Variants in COL5A2 observed in about 807,000 individuals in gnomAD.
COL5A2 encodes the protein collagen type V alpha 2 chain, also known as collagen alpha-2(V) chain.
COL5A2 carries 23 observed loss-of-function variants against 208.2 expected under a neutral mutation model. The observed-to-expected ratio is 0.11, with a 90% CI of 0.08 to 0.16. The LOEUF is 0.16. Among genes scored for constraint, COL5A2 ranks in the 10% least tolerant of loss-of-function variants. The probability of loss-of-function intolerance (pLI) is 1.00; values close to 1 mark genes in which losing one functional copy is unlikely to be tolerated. For missense variants in COL5A2, 1,590 were observed against 1,956.4 expected, an observed-to-expected ratio of 0.81 and a Z score of 3.53; for synonymous variants, 625 against 628.5, an observed-to-expected ratio of 0.99 and a Z score of 0.08.
intron 1 of COL5A2, among the ~76,000 whole-genome samples, chr2:189,116,042 C>T (rs1687382078): frequency 6.6e-6 from 1 of 152,186 alleles, no homozygotes. Flanking sequence ...CTTCAGAAAG[C>T]TACAGCAACC....
intron 12 of COL5A2, among the ~76,000 whole-genome samples, chr2:189,082,533 G>C (rs774500401): frequency 6.6e-6 from 1 of 152,158 alleles, no homozygotes; most frequent in South Asian, 2.1e-4. Context: ...AAGCCTATAG[G>C]GGAATTGCTG....
At chr2:189,133,537 T>C (rs1041222407) in intron 1 of COL5A2, among the ~76,000 whole-genome samples, 2 of 152,148 alleles carry the variant, frequency 1.3e-5, no homozygotes, top group East Asian at 3.8e-4. Context: ...ACTTGGTTGA[T>C]AGTGATAGGG....
In COL5A2 at chr2:189,048,088, T is replaced by A. The variant is rs1322086558; in HGVS notation, c.3201+121A>T. On this transcript the variant is annotated intron_variant, in intron 45 of 53. Transcript: ENST00000374866. ...AATTATGGCTTTACAGAAACAGTTG[T>A]TATTCAGAAAAATCAGAAGTGTATT... 4 of 853,196 alleles carry A rather than the reference T, an allele frequency of 4.7e-6. No homozygotes were observed. The East Asian group carries it at 7.9e-5, about 17-fold the overall frequency. The allele number at this position is 853,196 out of a possible 1,614,324, so 52.9% of individuals were successfully genotyped here. A position where few individuals can be genotyped will look rare whatever the true frequency, so the allele number is the denominator to read the frequency against.
upstream of COL5A2, among the ~76,000 whole-genome samples, chr2:189,229,446 A>C (rs1689455286): frequency 1.3e-5 from 2 of 151,464 alleles, no homozygotes; most frequent in Admixed American, 6.6e-5. Context: ...ACACACAAAA[A>C]AAAAACCTAT....
At chr2:189,357,724 G>C in the COL5A2 span, among the ~76,000 whole-genome samples, 1 of 144,050 alleles carries the variant, frequency 6.9e-6, no homozygotes, top group African/African-American at 2.6e-5. Flanking sequence ...GGGAGTGAAC[G>C]GTTCTGTCTC....
intron 6 of COL5A2, among the ~76,000 whole-genome samples, chr2:189,096,449 G>A (rs1314656518): frequency 6.6e-6 from 1 of 151,536 alleles, no homozygotes; most frequent in African/African-American, 2.4e-5. Context: ...GTGAAAACTC[G>A]TCTCTACTAA....
the COL5A2 span, among the ~76,000 whole-genome samples, chr2:189,418,111 T>G: frequency 6.6e-6 from 1 of 152,152 alleles, no homozygotes; most frequent in African/African-American, 2.4e-5. Context: ...GACTGATTTA[T>G]GAACTCACCA....
the COL5A2 span, among the ~76,000 whole-genome samples, chr2:189,305,337 G>C: frequency 6.6e-6 from 1 of 152,190 alleles, no homozygotes; most frequent in South Asian, 2.1e-4. Flanking sequence ...CGCCAATGCA[G>C]GAGTATTAAC....
At chr2:189,064,061 T>C in intron 25 of COL5A2, 28 bp from the exon 26 acceptor site, 2 of 1,597,134 alleles carry the variant, frequency 1.3e-6, no homozygotes, top group Non-Finnish European at 1.7e-6. Context: ...ACTGTCAGTT[T>C]GTTGCTGATA....
At chr2:189,121,736 CAAAAAAA>C (rs3084490) in intron 1 of COL5A2, among the ~76,000 whole-genome samples, 2 of 77,700 alleles carry the variant, frequency 2.6e-5, no homozygotes, top group African/African-American at 9.8e-5. Flanking sequence ...GACTCCGTCT[CAAAAAAA>C]AAAAAAAAAA....
chr2:189,141,305 C>T (rs1288092248), intron 1 of COL5A2, among the ~76,000 whole-genome samples: 1 of 152,062 alleles, frequency 6.6e-6, no homozygotes, highest in African/African-American at 2.4e-5. Flanking sequence ...TTATACAAGG[C>T]AGTTTTCAGA....
At chr2:189,053,602 T>G in intron 37 of COL5A2, 125 bp from the exon 38 acceptor site, 1 of 919,888 alleles carries the variant, frequency 1.1e-6, no homozygotes, top group Non-Finnish European at 1.7e-6. Flanking sequence ...ACATATTGCT[T>G]AAGGAAGGTC....
At chr2:189,419,946 G>GGAAAA in the COL5A2 span, among the ~76,000 whole-genome samples, 16 of 143,798 alleles carry the variant, frequency 1.1e-4, no homozygotes, top group African/African-American at 4.1e-4. Context: ...GGAAAGGAAA[G>GGAAAA]GAAAAGAGGT....
intron 13 of COL5A2, 131 bp downstream of exon 13, chr2:189,080,859 G>T: frequency 1.3e-6 from 1 of 768,042 alleles, no homozygotes; most frequent in Non-Finnish European, 2.3e-6. Context: ...AGTAACCACA[G>T]ATGAATACTG....
At chr2:189,420,442 T>C in the COL5A2 span, among the ~76,000 whole-genome samples, 586 of 152,320 alleles carry the variant, frequency 3.8e-3, 2 homozygotes, top group Non-Finnish European at 7.0e-3. Flanking sequence ...TACTGTATTA[T>C]AGATGCCAGG....
chr2:189,308,296 C>T, the COL5A2 span, among the ~76,000 whole-genome samples: 1 of 150,360 alleles, frequency 6.7e-6, no homozygotes, highest in Non-Finnish European at 1.5e-5. Flanking sequence ...CTCATTATAC[C>T]CTCCTCCCTT....
chr2:189,403,835 C>A, the COL5A2 span, among the ~76,000 whole-genome samples: 2 of 152,120 alleles, frequency 1.3e-5, no homozygotes, highest in South Asian at 2.1e-4. Context: ...TTTGTTCAAG[C>A]GATTATCCTG....
intron 26 of COL5A2, 80 bp from the exon 27 acceptor site, chr2:189,063,350 T>G: frequency 8.9e-7 from 1 of 1,117,768 alleles, no homozygotes; most frequent in Non-Finnish European, 1.4e-6. Context: ...CACCTTTGCT[T>G]ACTATCATGT....
At chr2:189,283,047 A>G in the COL5A2 span, among the ~76,000 whole-genome samples, 468 of 152,278 alleles carry the variant, frequency 3.1e-3, 3 homozygotes, top group African/African-American at 9.3e-3. Flanking sequence ...CAAATATATA[A>G]ATAAATTTCC....
Sources: allele counts gnomAD v4.1 joint callset (sites outside exome capture counted in the v4.1 genomes callset), GRCh38; gene constraint gnomAD v4.1.1; transcripts MANE v1.5; gene names NCBI Gene and HGNC (gene_info 2026-07-23, HGNC 2026-07-21).